The following HEBP1 variants were observed in gnomAD, a reference collection of about 807,000 sequenced individuals.
HEBP1 encodes the protein heme binding protein 1.
In HEBP1, 13 loss-of-function variants were observed where a neutral mutation model predicts 20.4. The ratio of observed to expected loss-of-function variants is 0.64; its 90% confidence interval spans 0.42 to 1.01. The LOEUF (loss-of-function observed/expected upper bound fraction) is 1.01, where lower values mean the gene tolerates loss of function less well. HEBP1 is among the 50% of genes least tolerant of loss of function. The pLI is 0.00. For missense variants in HEBP1, 241 were observed against 247.3 expected, an observed-to-expected ratio of 0.97 and a Z score of 0.17; for synonymous variants, 92 against 90.7, an observed-to-expected ratio of 1.01 and a Z score of -0.08.
intron 1 of HEBP1, among the ~76,000 whole-genome samples, chr12:12,991,495 G>A (rs574257807): frequency 6.6e-6 from 1 of 152,228 alleles, no homozygotes; most frequent in South Asian, 2.1e-4. Context: ...TTGAGGCCCT[G>A]TCCTTGGACT....
intron 3 of HEBP1, among the ~76,000 whole-genome samples, chr12:12,985,445 T>C (rs1056269456): frequency 3.3e-5 from 5 of 152,118 alleles, no homozygotes; most frequent in Admixed American, 3.3e-4. Context: ...TATATGCTTC[T>C]ACCTTTCTAT....
chr12:12,987,604 CTCTCTCTT>C (rs1164227770), intron 2 of HEBP1, among the ~76,000 whole-genome samples: 3 of 131,064 alleles, frequency 2.3e-5, no homozygotes, highest in African/African-American at 8.1e-5. Context: ...CTCTCTCTCT[CTCTCTCTT>C]TCTCTCTCTC....
Position 12,998,387 on chromosome 12 carries a change from T to A in HEBP1, c.78+1650A>T, listed in dbSNP as rs955168854. On this transcript the variant is annotated intron_variant, in intron 1 of 3. Coordinates refer to ENST00000014930, the MANE Select transcript of HEBP1 (RefSeq NM_015987.5). This position sits in a 1 kb window ranked among gnomAD's most constrained non-coding sequence, Gnocchi z 4.2. ...GTTTTCCTTAAGAATTTGGCAACACTGTTTCATATATCACTGCATAGCAAC... is the reference window on the plus strand; with the variant it reads ...GTTTTCCTTAAGAATTTGGCAACACAGTTTCATATATCACTGCATAGCAAC... 8.5e-5 allele frequency among the ~76,000 whole-genome samples: 13 copies of A among 152,198 alleles called. No homozygotes were observed. The highest frequency in any genetic ancestry group is 3.1e-4 in the African/African-American group (13 of 41,452).
intron 3 of HEBP1, chr12:12,979,472 C>G (rs1015072706): frequency 6.6e-6 from 1 of 152,464 alleles, no homozygotes; most frequent in African/African-American, 2.4e-5. Context: ...ACCCGGAATC[C>G]CCTGGTGTAT....
At chr12:12,976,460 G>A (rs192400970) in intron 3 of HEBP1, among the ~76,000 whole-genome samples, 1 of 152,136 alleles carries the variant, frequency 6.6e-6, no homozygotes, top group Non-Finnish European at 1.5e-5. Context: ...ATTTTTATTA[G>A]AGTCAAGTAC....
intron 3 of HEBP1, among the ~76,000 whole-genome samples, chr12:12,976,845 A>C (rs1863996244): frequency 6.6e-6 from 1 of 152,264 alleles, no homozygotes. Context: ...GTTAGTAGAC[A>C]GACAATGAAC....
chr12:12,999,907 A>G (rs1864333308), intron 1 of HEBP1, 130 bp downstream of exon 1: 1 of 526,328 alleles, frequency 1.9e-6, no homozygotes, highest in Non-Finnish European at 3.5e-6. Flanking sequence ...CGCACTCGCG[A>G]CAGACACCAG....
intron 1 of HEBP1, among the ~76,000 whole-genome samples, chr12:12,997,613 G>A (rs778091349): frequency 1.3e-5 from 2 of 152,166 alleles, no homozygotes; most frequent in Non-Finnish European, 2.9e-5. Context: ...CTGAGCAAAC[G>A]TAGCTGGGCG....
chr12:12,987,459 C>T (rs1864166452), intron 2 of HEBP1, 127 bp from the exon 3 acceptor site: 1 of 687,240 alleles, frequency 1.5e-6, no homozygotes, highest in South Asian at 2.1e-5. Flanking sequence ...TAACAATGAA[C>T]ATTTCAAGTG....
chr12:12,999,111 A>T (rs79600479), intron 1 of HEBP1, among the ~76,000 whole-genome samples: 3 of 152,326 alleles, frequency 2.0e-5, no homozygotes, highest in Non-Finnish European at 4.4e-5. Context: ...TAGCGCATTT[A>T]TATCTATTCT....
chr12:12,975,524 C>T, intron 3 of HEBP1, 45 bp from the exon 4 acceptor site: 1 of 1,531,742 alleles, frequency 6.5e-7, no homozygotes. Context: ...GACATGACCT[C>T]TGAGAGAGGG....
rs373214147 is a variant in HEBP1 at position 12,975,423 on chromosome 12, C to T, written c.455G>A (p.Arg152His). Residue 152 changes from arginine (R) to histidine (H), a missense_variant, in exon 4 of 4, where the codon CGT becomes CAT. Coordinates refer to ENST00000014930, the MANE Select transcript of HEBP1 (RefSeq NM_015987.5). ...ADYVAQATRL[R>H]AALEGTATYR... ...GGTGGCTGTGCCCTCCAGGGCAGCA[C>T]GCAGACGGGTGGCTTGTGCTACGTA... 68 of 1,612,696 alleles carry T rather than the reference C, an allele frequency of 4.2e-5. No homozygotes were observed. Among genetic ancestry groups the T allele is most frequent in the South Asian group, 3.1e-4 (28 of 90,960 alleles).
Position 12,975,107 on chromosome 12 carries a change from G to A in HEBP1, c.*201C>T. 2 of 492,224 alleles carry A rather than the reference G, an allele frequency of 4.1e-6. No individual in the cohort carries two copies. Among genetic ancestry groups the A allele is most frequent in the Non-Finnish European group, 3.6e-6 (1 of 279,764 alleles). The allele number at this position is 492,224 out of a possible 1,614,324, so 30.5% of individuals were successfully genotyped here. ...AATGAGAAGGATGCTGCATATCTTG[G>A]CTGTATTATTTCCTACTGTGAGAAA... is the stretch of plus-strand genomic sequence containing the variant. On this transcript the variant is annotated 3_prime_UTR_variant, in exon 4 of 4. Transcript: ENST00000014930.
At chr12:12,976,868 C>T (rs1038902863) in intron 3 of HEBP1, among the ~76,000 whole-genome samples, 5 of 152,144 alleles carry the variant, frequency 3.3e-5, no homozygotes, top group Non-Finnish European at 5.9e-5. Context: ...CCAGGAAAGA[C>T]TTTTTTCAGG....
At chr12:12,997,236 C>T (rs1426965928) in intron 1 of HEBP1, among the ~76,000 whole-genome samples, 1 of 152,004 alleles carries the variant, frequency 6.6e-6, no homozygotes, top group Non-Finnish European at 1.5e-5. Flanking sequence ...TCCCAGAGGC[C>T]CCAAATTAAC....
intron 3 of HEBP1, chr12:12,980,431 A>G (rs1864064178): frequency 6.6e-6 from 1 of 152,224 alleles, no homozygotes; most frequent in South Asian, 2.1e-4. Context: ...ATAGCGAATG[A>G]TGGGTTCTGA....
Position 12,987,163 on chromosome 12 carries a change from A to G in HEBP1, c.387T>C (p.Thr129=). The G allele has an allele frequency of 1.2e-6, 2 of 1,613,972 alleles. No individual in the cohort carries two copies. The highest frequency in any genetic ancestry group is 1.7e-6 in the Non-Finnish European group (2 of 1,179,854). Residue 129 remains threonine (T), a synonymous_variant, in exon 3 of 4, where the codon ACT becomes ACC. Transcript: ENST00000014930. The part of the protein sequence containing the change: ...SVKIEEREGI[T]VYSMQFGGYA... ...GATTGTCTCCTTACATGGAATAGAC[A>G]GTGATGCCTTCCCGTTCCTCAATCT... is the stretch of plus-strand genomic sequence containing the variant.
At position 13,000,185 on chromosome 12, in the gene HEBP1, C is replaced by A. The variant is rs1864337178; in HGVS notation, c.-71G>T. The A allele has an allele frequency of 4.4e-6, 3 of 681,344 alleles. No homozygotes were observed. Among genetic ancestry groups the A allele is most frequent in the African/African-American group, 4.4e-5 (2 of 45,666 alleles). The allele number at this position is 681,344 out of a possible 1,614,324, so 42.2% of individuals were successfully genotyped here. On this transcript the variant is annotated 5_prime_UTR_variant, in exon 1 of 4. Transcript: ENST00000014930. ...GGGGGCGACGGAGCACCACGGGCAG[C>A]GACCACCGGCGGCAGGGCGGCAGGG... is the stretch of plus-strand genomic sequence containing the variant.
chr12:12,982,259 G>A (rs1022700204), intron 3 of HEBP1, among the ~76,000 whole-genome samples: 3 of 152,200 alleles, frequency 2.0e-5, no homozygotes, highest in Non-Finnish European at 4.4e-5. Context: ...TATAAGTGAA[G>A]CAAAGCAAAA....
Sources: allele counts gnomAD v4.1 joint callset (sites outside exome capture counted in the v4.1 genomes callset), GRCh38; gene constraint gnomAD v4.1.1; non-coding constraint Gnocchi (gnomAD v3.1); transcripts MANE v1.5; gene names NCBI Gene and HGNC (gene_info 2026-07-23, HGNC 2026-07-21).